The following CNTNAP2 variants were observed in gnomAD, a reference collection of about 807,000 sequenced individuals.
CNTNAP2 encodes contactin-associated protein-like 2.
Under a neutral mutation model 155.2 loss-of-function variants are expected in CNTNAP2, and 98 were observed. The observed-to-expected ratio is 0.63, with a 90% CI of 0.54 to 0.75. The LOEUF (loss-of-function observed/expected upper bound fraction) is 0.75. Ranked by LOEUF, CNTNAP2 falls within the 30% of genes least tolerant of loss-of-function variation. CNTNAP2 has a pLI of 0.00. For synonymous variants in CNTNAP2, 651 were observed against 631.2 expected, an observed-to-expected ratio of 1.03 and a Z score of -0.47; for missense variants, 1,727 against 1,688.1, an observed-to-expected ratio of 1.02 and a Z score of -0.40.
chr7:146,250,935 G>C (rs943589812), intron 1 of CNTNAP2, among the ~76,000 whole-genome samples: 3 of 152,172 alleles, frequency 2.0e-5, no homozygotes, highest in Admixed American at 1.3e-4. Flanking sequence ...CTGTAGTTTA[G>C]TGAGCTCAAG....
intron 9 of CNTNAP2, among the ~76,000 whole-genome samples, chr7:147,344,025 G>A (rs1426180295): frequency 6.7e-6 from 1 of 150,350 alleles, no homozygotes; most frequent in Non-Finnish European, 1.5e-5. Flanking sequence ...CAACACTGGT[G>A]TTCATATTTT....
intron 13 of CNTNAP2, among the ~76,000 whole-genome samples, chr7:147,772,421 AAT>A (rs1261134295): frequency 2.3e-4 from 31 of 132,126 alleles, no homozygotes; most frequent in African/African-American, 6.7e-4. Flanking sequence ...ATATATATAT[AAT>A]ATATATATTA....
intron 8 of CNTNAP2, among the ~76,000 whole-genome samples, chr7:147,240,393 T>C (rs917394721): frequency 2.6e-5 from 4 of 152,316 alleles, no homozygotes; most frequent in Middle Eastern, 6.8e-3. Context: ...GGTAAACCAG[T>C]CACAGTAAAA....
At chr7:146,356,584 C>T (rs560767613) in intron 1 of CNTNAP2, among the ~76,000 whole-genome samples, 2 of 152,184 alleles carry the variant, frequency 1.3e-5, no homozygotes, top group Admixed American at 1.3e-4. Flanking sequence ...AATTCTTTCA[C>T]CTCAATTTGA....
At chr7:146,403,469 A>C (rs1042621819) in intron 1 of CNTNAP2, among the ~76,000 whole-genome samples, 1 of 152,190 alleles carries the variant, frequency 6.6e-6, no homozygotes, top group Non-Finnish European at 1.5e-5. Flanking sequence ...TAAAACTATG[A>C]AACACACTAT....
chr7:147,398,262 C>T (rs1796853012), intron 10 of CNTNAP2, among the ~76,000 whole-genome samples: 1 of 152,022 alleles, frequency 6.6e-6, no homozygotes, highest in Admixed American at 6.6e-5. Context: ...GCTTCTTTCT[C>T]CTCGCTGAGA....
At chr7:147,219,048 G>A (rs754168423) in intron 8 of CNTNAP2, among the ~76,000 whole-genome samples, 1 of 152,120 alleles carries the variant, frequency 6.6e-6, no homozygotes, top group Non-Finnish European at 1.5e-5. Context: ...TGGAGAGGCT[G>A]GCTTCCTGCA....
intron 1 of CNTNAP2, among the ~76,000 whole-genome samples, chr7:146,154,719 C>T (rs2116784217): frequency 6.6e-6 from 1 of 152,246 alleles, no homozygotes; most frequent in East Asian, 1.9e-4. Flanking sequence ...CTCAGAGATG[C>T]CACTGGACCT....
At chr7:146,674,088 C>T (rs1451822751) in intron 1 of CNTNAP2, among the ~76,000 whole-genome samples, 2 of 152,200 alleles carry the variant, frequency 1.3e-5, no homozygotes, top group Admixed American at 6.5e-5. Flanking sequence ...TAAACATTTG[C>T]GTAATGAAAG....
chr7:146,489,556 GA>G (rs1055909729), intron 1 of CNTNAP2, among the ~76,000 whole-genome samples: 8 of 152,046 alleles, frequency 5.3e-5, no homozygotes, highest in African/African-American at 1.9e-4. Context: ...CACGGCCAGT[GA>G]CACACACACC....
At chr7:148,125,578 A>G (rs1185175649) in intron 16 of CNTNAP2, among the ~76,000 whole-genome samples, 2 of 150,368 alleles carry the variant, frequency 1.3e-5, no homozygotes, top group East Asian at 3.9e-4. Flanking sequence ...ATTCTTATTT[A>G]TGGCTGTGTA....
chr7:146,658,998 C>T (rs982142932), intron 1 of CNTNAP2, among the ~76,000 whole-genome samples: 6 of 152,150 alleles, frequency 3.9e-5, no homozygotes, highest in African/African-American at 9.7e-5. Flanking sequence ...CTGGAGACAC[C>T]GCAGCCACTA....
intron 16 of CNTNAP2, among the ~76,000 whole-genome samples, chr7:148,118,931 G>A (rs766823068): frequency 2.6e-5 from 4 of 152,212 alleles, no homozygotes; most frequent in Non-Finnish European, 4.4e-5. Context: ...CTAAGGGGGC[G>A]TTCAGGCTTG....
At chr7:147,258,516 T>C (rs1373921244) in intron 8 of CNTNAP2, among the ~76,000 whole-genome samples, 3 of 152,088 alleles carry the variant, frequency 2.0e-5, no homozygotes, top group Admixed American at 6.6e-5. Context: ...CACGTATGAT[T>C]GCAGCACCCC....
chr7:146,610,560 G>A (rs1258077304), intron 1 of CNTNAP2, among the ~76,000 whole-genome samples: 1 of 152,100 alleles, frequency 6.6e-6, no homozygotes, highest in African/African-American at 2.4e-5. Flanking sequence ...AGTGAAAGTA[G>A]TTAATTTAAT....
At chr7:148,303,675 C>T (rs190190732) in intron 21 of CNTNAP2, among the ~76,000 whole-genome samples, 1 of 152,228 alleles carries the variant, frequency 6.6e-6, no homozygotes, top group African/African-American at 2.4e-5. Flanking sequence ...AGACATTGCA[C>T]GTATTAAGAA....
chr7:146,739,722 C>T (rs1256583125), intron 1 of CNTNAP2, among the ~76,000 whole-genome samples: 2 of 151,852 alleles, frequency 1.3e-5, no homozygotes, highest in East Asian at 3.9e-4. Context: ...GTGATCTGTC[C>T]ATTGCTGTAA....
intron 13 of CNTNAP2, among the ~76,000 whole-genome samples, chr7:147,784,516 TA>T (rs1797707187): frequency 5.7e-5 from 3 of 52,634 alleles, no homozygotes; most frequent in Non-Finnish European, 9.1e-5. Flanking sequence ...TATATATATA[TA>T]TATATATATA....
chr7:146,134,187 G>A (rs1797761594), intron 1 of CNTNAP2, among the ~76,000 whole-genome samples: 2 of 151,996 alleles, frequency 1.3e-5, no homozygotes, highest in Non-Finnish European at 2.9e-5. Flanking sequence ...TTGTAAATGG[G>A]AGTTCACTCA....
Sources: gnomAD v4.1 joint callset for allele counts (sites outside exome capture counted in the v4.1 genomes callset) on GRCh38, gnomAD v4.1.1 for gene constraint, MANE v1.5 for transcripts, NCBI Gene and HGNC (gene_info 2026-07-23, HGNC 2026-07-21) for gene names.